PLAAT1: variants seen among roughly 807,000 people sequenced by gnomAD.
PLAAT1 encodes H-REV107 protein-related protein.
Under a neutral mutation model 16.4 loss-of-function variants are expected in PLAAT1, and 13 were observed. That is an observed-to-expected ratio of 0.79 (90% confidence interval 0.52 to 1.26). The LOEUF is 1.26. Ranked by LOEUF, PLAAT1 falls within the 50% of genes most tolerant of loss-of-function variation. The pLI is 0.00. For synonymous variants in PLAAT1, 73 were observed against 78.4 expected (o/e 0.93, Z 0.36); for missense variants, 218 against 207.8 (o/e 1.05, Z -0.30).
intron 1 of PLAAT1, among the ~76,000 whole-genome samples, chr3:193,246,906 A>G (rs1291249568): frequency 6.6e-6 from 1 of 152,090 alleles, no homozygotes; most frequent in Non-Finnish European, 1.5e-5. Context: ...CCTGTTTTAT[A>G]ATTTTTTGGA....
intron 2 of PLAAT1, 135 bp downstream of exon 2, chr3:193,255,924 T>G (rs1408894338): frequency 2.5e-6 from 2 of 784,796 alleles, no homozygotes; most frequent in Non-Finnish European, 3.7e-6. Flanking sequence ...CTAATCTAGG[T>G]TTAGAGAAGG....
chr3:193,271,853 A>T (rs1052795273), downstream of PLAAT1, among the ~76,000 whole-genome samples: 1 of 152,300 alleles, frequency 6.6e-6, no homozygotes, highest in Admixed American at 6.5e-5. Flanking sequence ...CCAGGGCCAG[A>T]AATACTCAAC....
chr3:193,258,903 T>G lies in PLAAT1; in HGVS notation c.139+3114T>G, dbSNP rs1417084422. ...GGAGGGGCTCCTTCCTAACTCATTC[T>G]ATGAAACTAGCATCATCCTGATACC... On this transcript the variant is annotated intron_variant, in intron 2 of 3. Transcript: ENST00000264735. Among the ~76,000 whole-genome samples, 4 of 152,264 alleles carry G rather than the reference T, an allele frequency of 2.6e-5. No individual in the cohort carries two copies. The South Asian group carries it at 6.2e-4, about 24-fold the overall frequency.
At chr3:193,273,281 T>C (rs1717048735), downstream of PLAAT1, among the ~76,000 whole-genome samples, 1 of 152,186 alleles carries the variant, frequency 6.6e-6, no homozygotes, top group Non-Finnish European at 1.5e-5. Context: ...ACTAAAAATC[T>C]CTTCTTTTTA....
At chr3:193,276,652 T>G (rs1717221683) in intron 2 of PLAAT1, 2 of 807,798 alleles carry the variant, frequency 2.5e-6, no homozygotes, top group Non-Finnish European at 2.0e-6. Context: ...ACTGTCATTT[T>G]GGGGGATCAA....
chr3:193,279,451 A>C (rs751000415), downstream of PLAAT1: 4 of 1,611,810 alleles, frequency 2.5e-6, no homozygotes, highest in Non-Finnish European at 3.4e-6. Context: ...AAATGAAAAT[A>C]TATCTGAGGA....
chr3:193,261,066 T>A (rs1327753874), intron 2 of PLAAT1, among the ~76,000 whole-genome samples: 1 of 152,188 alleles, frequency 6.6e-6, no homozygotes, highest in Admixed American at 6.5e-5. Flanking sequence ...CAAATTAATT[T>A]ATTAACAAAA....
At chr3:193,260,054 C>CAG (rs1716526276) in intron 2 of PLAAT1, among the ~76,000 whole-genome samples, 1 of 152,000 alleles carries the variant, frequency 6.6e-6, no homozygotes, top group African/African-American at 2.4e-5. Flanking sequence ...TAAAGCCAAG[C>CAG]ACATAAAACC....
intron 1 of PLAAT1, among the ~76,000 whole-genome samples, chr3:193,243,927 GTAT>G (rs1715875082): frequency 6.6e-6 from 1 of 152,060 alleles, no homozygotes. Context: ...TTAAATAATT[GTAT>G]CATTTCAAGA....
Position 193,263,105 on chromosome 3 carries a change from C to T in PLAAT1, c.275C>T (p.Pro92Leu), listed in dbSNP as rs1211355155. Residue 92 changes from proline to leucine, a missense_variant, in exon 3 of 4, where the codon CCT becomes CTT. By Grantham distance (98) the Pro-to-Leu change is moderately conservative (BLOSUM62 -3). Transcript: ENST00000264735. ...INNKYDETYP[P>L]LPVEEIIKRS... is the part of the protein sequence containing the mutation. ...AATAAATACGATGAAACGTACCCCC[C>T]TCTCCCTGTGGAAGAAATCATAAAG... 2 of 1,614,060 alleles carry T rather than the reference C, an allele frequency of 1.2e-6. No homozygotes were observed. The highest frequency in any genetic ancestry group is 2.7e-5 in the African/African-American group (2 of 74,916).
intron 2 of PLAAT1, among the ~76,000 whole-genome samples, chr3:193,260,522 T>TA (rs1336710321): frequency 1.3e-5 from 2 of 151,798 alleles, no homozygotes; most frequent in Non-Finnish European, 2.9e-5. Context: ...ATAATCTAAT[T>TA]AAAAAATGGG....
upstream of PLAAT1, among the ~76,000 whole-genome samples, chr3:193,240,752 T>C (rs944353568): frequency 2.7e-5 from 4 of 149,392 alleles, no homozygotes; most frequent in African/African-American, 4.9e-5. Context: ...AGCAGTGAGG[T>C]TGTTTTAGGG....
chr3:193,248,671 T>A (rs1452213591), intron 1 of PLAAT1, among the ~76,000 whole-genome samples: 1 of 152,142 alleles, frequency 6.6e-6, no homozygotes, highest in African/African-American at 2.4e-5. Flanking sequence ...TACTTCACTT[T>A]GATCACTTGT....
At chr3:193,280,321 T>C (rs771189678), downstream of PLAAT1, among the ~76,000 whole-genome samples, 14 of 152,116 alleles carry the variant, frequency 9.2e-5, no homozygotes, top group Non-Finnish European at 1.8e-4. Flanking sequence ...CAAAGTGCTA[T>C]GATTACAGGC....
At chr3:193,267,384 A>G (rs957000451) in intron 3 of PLAAT1, among the ~76,000 whole-genome samples, 6 of 130,726 alleles carry the variant, frequency 4.6e-5, no homozygotes, top group Non-Finnish European at 7.1e-5. Flanking sequence ...CAAATCCCTG[A>G]CAACCATTGA....
chr3:193,258,420 T>C (rs540056094), intron 2 of PLAAT1, among the ~76,000 whole-genome samples: 1 of 151,710 alleles, frequency 6.6e-6, no homozygotes, highest in East Asian at 1.9e-4. Context: ...GGAGAAAAAC[T>C]GAAAGAAATG....
intron 2 of PLAAT1, among the ~76,000 whole-genome samples, chr3:193,277,285 G>T (rs1277107630): frequency 6.6e-6 from 1 of 152,206 alleles, no homozygotes; most frequent in Non-Finnish European, 1.5e-5. Context: ...GAGACTAGAT[G>T]CAGATTGCTT....
chr3:193,276,699 G>A, intron 2 of PLAAT1: 1 of 1,329,806 alleles, frequency 7.5e-7, no homozygotes, highest in Non-Finnish European at 1.1e-6. Context: ...TGCTGAAAAT[G>A]AGATCCTTAA....
At chr3:193,274,382 C>A (rs1181906174), downstream of PLAAT1, among the ~76,000 whole-genome samples, 14 of 152,206 alleles carry the variant, frequency 9.2e-5, no homozygotes. Context: ...GGCCCCTAAA[C>A]ACTATACACT....
Sources: allele counts gnomAD v4.1 joint callset (sites outside exome capture counted in the v4.1 genomes callset), GRCh38; gene constraint gnomAD v4.1.1; transcripts MANE v1.5; gene names NCBI Gene and HGNC (gene_info 2026-07-23, HGNC 2026-07-21).